MERTK: variants seen among roughly 807,000 people sequenced by gnomAD.
MERTK encodes tyrosine-protein kinase Mer.
In MERTK, 69 loss-of-function variants were observed where a neutral mutation model predicts 99.3. The ratio of observed to expected loss-of-function variants is 0.70; its 90% confidence interval spans 0.57 to 0.85. MERTK has a LOEUF of 0.85. Among genes scored for constraint, MERTK ranks in the 40% least tolerant of loss-of-function variants. The pLI is 0.00. For synonymous variants in MERTK, 426 were observed against 467.6 expected (o/e 0.91, Z 1.15); for missense variants, 1,125 against 1,249.4 (o/e 0.90, Z 1.50).
intron 15 of MERTK, among the ~76,000 whole-genome samples, chr2:112,015,349 T>C (rs994736947): frequency 6.6e-6 from 1 of 152,216 alleles, no homozygotes; most frequent in Admixed American, 6.5e-5. Flanking sequence ...TGCTGGCTTT[T>C]CTGGTTTTTC....
intron 1 of MERTK, among the ~76,000 whole-genome samples, chr2:111,905,913 G>C (rs1348474617): frequency 6.6e-6 from 1 of 152,210 alleles, no homozygotes; most frequent in Non-Finnish European, 1.5e-5. Flanking sequence ...GAAGGAAAGA[G>C]AAAGAGAGAA....
chr2:112,027,057 G>T (rs1018184348), intron 18 of MERTK, among the ~76,000 whole-genome samples: 1 of 152,028 alleles, frequency 6.6e-6, no homozygotes, highest in African/African-American at 2.4e-5. Flanking sequence ...TGGAGGCTGA[G>T]GCAGAAGATC....
chr2:111,920,982 T>C (rs759405954), intron 1 of MERTK, among the ~76,000 whole-genome samples: 7 of 152,148 alleles, frequency 4.6e-5, no homozygotes, highest in Non-Finnish European at 8.8e-5. Flanking sequence ...CAGGAATCCT[T>C]TGGGTATTGC....
chr2:111,998,907 T>G (rs935504531), intron 10 of MERTK, among the ~76,000 whole-genome samples: 1 of 152,244 alleles, frequency 6.6e-6, no homozygotes, highest in Non-Finnish European at 1.5e-5. Flanking sequence ...CCATGGATCC[T>G]TACTACAAGA....
At position 111,999,842 on chromosome 2, in the gene MERTK, G is replaced by A. The variant is rs1466029909; in HGVS notation, c.1605-1359G>A. ...GTGGAATTATCATTAGTTCTTACAG[G>A]TTTGGTATAGGCAGTGGAGTTATCC... On this transcript the variant is annotated intron_variant, in intron 10 of 18. Transcript: ENST00000295408. Among the ~76,000 whole-genome samples the A allele has an allele frequency of 2.0e-5, 3 of 152,186 alleles. No homozygotes were observed. The South Asian group carries it at 6.2e-4, about 31-fold the overall frequency.
chr2:111,996,191 C>G (rs1033434422), intron 9 of MERTK: 11 of 117,932 alleles, frequency 9.3e-5, no homozygotes, highest in Admixed American at 8.0e-4. Flanking sequence ...GCACAAATTT[C>G]AATTACCACA....
intron 1 of MERTK, among the ~76,000 whole-genome samples, chr2:111,899,237 T>G (rs1573554687): frequency 6.6e-6 from 1 of 152,188 alleles, no homozygotes; most frequent in South Asian, 2.1e-4. Context: ...ACAGATCCGG[T>G]CTCCCGAGGG....
chr2:111,974,985 G>A (rs190288107), intron 6 of MERTK, among the ~76,000 whole-genome samples: 23 of 152,224 alleles, frequency 1.5e-4, no homozygotes, highest in African/African-American at 5.3e-4. Flanking sequence ...TTCTAAGAGA[G>A]GAGAGGCTTT....
At chr2:111,904,027 G>A (rs771216296) in intron 1 of MERTK, among the ~76,000 whole-genome samples, 7 of 151,952 alleles carry the variant, frequency 4.6e-5, no homozygotes, top group African/African-American at 7.3e-5. Context: ...CTCCGGTGTC[G>A]CCCTAGAGTG....
chr2:111,899,281 T>TCGGAGCCGCAGTCCGGGAGC (rs1683991563), intron 1 of MERTK, among the ~76,000 whole-genome samples: 2 of 150,972 alleles, frequency 1.3e-5, no homozygotes, highest in Non-Finnish European at 2.9e-5. Flanking sequence ...GCTGCGGGAG[T>TCGGAGCCGCAGTCCGGGAGC]CGGAGCCGCA....
intron 13 of MERTK, among the ~76,000 whole-genome samples, chr2:112,006,488 G>C (rs939821814): frequency 8.5e-5 from 13 of 152,112 alleles, no homozygotes; most frequent in African/African-American, 3.1e-4. Context: ...GATTTTATCT[G>C]AGCCTCACAG....
chr2:111,904,535 C>T (rs902018686), intron 1 of MERTK, among the ~76,000 whole-genome samples: 30 of 152,066 alleles, frequency 2.0e-4, no homozygotes, highest in African/African-American at 7.2e-4. Context: ...TCCACCAGAC[C>T]TGGCTAATTT....
At chr2:111,929,933 T>C (rs1684640655) in intron 2 of MERTK, among the ~76,000 whole-genome samples, 1 of 152,202 alleles carries the variant, frequency 6.6e-6, no homozygotes, top group Non-Finnish European at 1.5e-5. Flanking sequence ...ATTATGCTAA[T>C]GCTGCCTCAA....
At chr2:111,901,559 C>CT (rs11459119) in intron 1 of MERTK, among the ~76,000 whole-genome samples, 44,641 of 131,098 alleles carry the variant, frequency 0.34, 8,217 homozygotes, top group South Asian at 0.42. Context: ...TTCTTTCTTT[C>CT]TTTTTTTTTT....
At chr2:112,024,872 G>A (rs894000870) in intron 18 of MERTK, 1 of 153,976 alleles carries the variant, frequency 6.5e-6, no homozygotes, top group African/African-American at 2.4e-5. Context: ...CGAGGTTGCA[G>A]TGAGCTATGA....
chr2:111,968,050 A>G, intron 5 of MERTK, 87 bp from the exon 6 acceptor site: 1 of 884,994 alleles, frequency 1.1e-6, no homozygotes, highest in Non-Finnish European at 1.9e-6. Context: ...GAAAACAGGT[A>G]TTAATGCATT....
intron 1 of MERTK, among the ~76,000 whole-genome samples, chr2:111,923,903 CCCAAACCCTTGGGT>C (rs987361205): frequency 3.3e-5 from 5 of 152,072 alleles, no homozygotes; most frequent in Admixed American, 3.3e-4. Flanking sequence ...TTCATCATTG[CCCAAACCCTTGGGT>C]CCAAAACCTT....
In MERTK at chr2:112,019,425, C is replaced by G; in HGVS notation, c.2092C>G (p.Gln698Glu). The G allele has an allele frequency of 6.2e-7, 1 of 1,611,284 alleles. No homozygotes were observed. Residue 698 changes from glutamine (Q) to glutamate (E), a missense_variant, in exon 16 of 19, where the codon CAG becomes GAG. Transcript: ENST00000295408. ...CTCTATCATCTAGCATATTCCTCTG[C>G]AGACACTATTGAAGTTCATGGTGGA... ...LETGPKHIPLQTLLKFMVDIA... is the reference protein window; with the variant it reads ...LETGPKHIPLETLLKFMVDIA...
intron 1 of MERTK, among the ~76,000 whole-genome samples, chr2:111,899,458 G>C (rs1684000249): frequency 1.3e-5 from 2 of 152,188 alleles, no homozygotes; most frequent in African/African-American, 4.8e-5. Flanking sequence ...TGGCAGAACA[G>C]AACTTACAGT....
Sources: allele counts gnomAD v4.1 joint callset (sites outside exome capture counted in the v4.1 genomes callset), GRCh38; gene constraint gnomAD v4.1.1; transcripts MANE v1.5; gene names NCBI Gene and HGNC (gene_info 2026-07-23, HGNC 2026-07-21).